Variants in RFC4 observed in about 807,000 individuals in gnomAD.
The protein encoded by RFC4 is replication factor C subunit 4.
RFC4 carries 38 observed loss-of-function variants against 47.6 expected under a neutral mutation model. The ratio of observed to expected loss-of-function variants is 0.80; its 90% CI spans 0.62 to 1.05. The LOEUF is 1.05. Ranked by LOEUF, RFC4 falls within the 50% of genes least tolerant of loss-of-function variation. The pLI is 0.00. For synonymous variants in RFC4, 164 were observed against 150.0 expected (o/e 1.09, Z -0.68); for missense variants, 489 against 434.0 (o/e 1.13, Z -1.13).
rs1339841992 is a variant in RFC4 at position 186,793,172 on chromosome 3, C to T, written c.411-225G>A. Among the ~76,000 whole-genome samples, 2 of 152,176 alleles carry T rather than the reference C, an allele frequency of 1.3e-5. No homozygotes were observed. The highest frequency in any genetic ancestry group is 4.8e-5 in the African/African-American group (2 of 41,436). ...CCTATTAGGAGTCACTCTTCTTCCC[C>T]CAGTCATTCCCAGCTCTAGGCAATC... On this transcript the variant is annotated intron_variant, in intron 5 of 10. Transcript: ENST00000296273. The surrounding 1 kb of genome is among the most constrained non-coding windows in gnomAD (Gnocchi z 4.2).
At position 186,796,916 on chromosome 3, in the gene RFC4, C is replaced by T. The variant is rs1722254470; in HGVS notation, c.290+619G>A. On this transcript the variant is annotated intron_variant, in intron 4 of 10. Coordinates refer to ENST00000296273, the MANE Select transcript of RFC4 (RefSeq NM_002916.5). This position sits in a 1 kb window ranked among gnomAD's most constrained non-coding sequence, Gnocchi z 4.2. ...ACCCAGCCCACTACACATCTTTTAA[C>T]TCTAGGTAAAGGGCTCCTCTAGAAT... is the stretch of plus-strand genomic sequence containing the variant. Among the ~76,000 whole-genome samples the T allele has an allele frequency of 6.6e-6, 1 of 152,222 alleles. No individual in the cohort carries two copies. The highest frequency in any genetic ancestry group is 1.5e-5 in the Non-Finnish European group (1 of 68,026).
chr3:186,794,890 A>T, intron 4 of RFC4, 113 bp from the exon 5 acceptor site: 1 of 1,161,580 alleles, frequency 8.6e-7, no homozygotes, highest in Non-Finnish European at 1.2e-6. Flanking sequence ...CAACATGGAT[A>T]GAAGGCACAC....
rs1722283091 is a variant in RFC4, at chr3:186,798,303, A to G, written c.211-689T>C. ...CTAGCTAGTTTGGCTCCTATCAAGC[A>G]GTCGACTGATCCGTGGTGAAAATTA... On this transcript the variant is annotated intron_variant, in intron 3 of 10. Transcript: ENST00000296273. Among the ~76,000 whole-genome samples, 3 of 152,310 alleles carry G rather than the reference A, an allele frequency of 2.0e-5. No individual in the cohort carries two copies. The South Asian group carries it at 6.2e-4, about 32-fold the overall frequency.
rs544478889 is a variant in RFC4, at chr3:186,799,684, G to A, written c.210+1433C>T. ...GCTGGTATCACGCCACTGCACTCCA[G>A]CCTGCGTGACAGAGCAAGACTCTGT... On this transcript the variant is annotated intron_variant, in intron 3 of 10. Transcript: ENST00000296273. Among the ~76,000 whole-genome samples the A allele has an allele frequency of 3.9e-5, 6 of 152,144 alleles. No individual in the cohort carries two copies. The South Asian group carries it at 1.2e-3, about 32-fold the overall frequency.
chr3:186,799,399 AAC>A (rs1722306169), intron 3 of RFC4, among the ~76,000 whole-genome samples: 2 of 152,344 alleles, frequency 1.3e-5, no homozygotes, highest in East Asian at 3.9e-4. Context: ...CAAAATATTA[AAC>A]TGAAGTTCTT....
At position 186,802,544 on chromosome 3, in the gene RFC4, AAAC is replaced by A. The variant is rs201217003; in HGVS notation, c.132-1352_132-1350del. ...TATTCAATTCATTGAGGGCTAACAA[AAAC>A]AACAAGCTGAACCAATATGAAGTAT... On this transcript the variant is annotated intron_variant, in intron 2 of 10. Transcript: ENST00000296273. Among the ~76,000 whole-genome samples the A allele has an allele frequency of 7.3e-3, 1,107 of 152,282 alleles. 14 individuals carry two copies. Among genetic ancestry groups the A allele is most frequent in the African/African-American group, 0.025 (1,050 of 41,550 alleles).
At position 186,791,759 on chromosome 3, in the gene RFC4, TC is replaced by T. The variant is rs1560090507; in HGVS notation, c.766del (p.Glu256ArgfsTer6). 12 of 1,612,116 alleles carry T rather than the reference TC, an allele frequency of 7.4e-6. No individual in the cohort carries two copies. Among genetic ancestry groups the T allele is most frequent in the Non-Finnish European group, 1.0e-5 (12 of 1,178,148 alleles). On this transcript the variant is annotated frameshift_variant, in exon 8 of 11. Coordinates refer to ENST00000296273, the MANE Select transcript of RFC4 (RefSeq NM_002916.5). LOFTEE classifies it high-confidence loss of function. ...GTCTGTAATCACTTTCTCTGTGATC[TC>T]CTTTCCACCTGTTAATCGAGTAGCG... ...QSATRLTGGKEITEKVITDIA... is the reference protein window; with the variant it reads ...QSATRLTGGKXITEKVITDIA...
chr3:186,791,719 T>C lies in RFC4; in HGVS notation c.801+6A>G. 1.2e-6 allele frequency: 2 copies of C among 1,612,722 alleles called. No homozygotes were observed. Among genetic ancestry groups the C allele is most frequent in the South Asian group, 1.1e-5 (1 of 91,070 alleles). ...AAAAGAAATTCAGAATATCCAGTAC[T>C]CTTACCCCGGCAATGTCTGTAATCA... On this transcript the variant is annotated splice_donor_region_variant and intron_variant, in intron 8 of 10. Coordinates refer to ENST00000296273, the MANE Select transcript of RFC4 (RefSeq NM_002916.5).
In RFC4 at chr3:186,792,617, A is replaced by G. The variant is rs1420775749; in HGVS notation, c.555-7T>C. 6.2e-7 allele frequency: 1 copy of G among 1,605,982 alleles called. No homozygotes were observed. The highest frequency in any genetic ancestry group is 2.2e-5 in the East Asian group (1 of 44,748). On this transcript the variant is annotated splice_polypyrimidine_tract_variant and splice_region_variant and intron_variant, in intron 6 of 10. Coordinates refer to ENST00000296273, the MANE Select transcript of RFC4 (RefSeq NM_002916.5). ...GGTCAGGGGTTCAATTATTCTGTGGAAGATGAGAAAAACCAAGTTGGTGTC... is the reference window on the plus strand; with the variant it reads ...GGTCAGGGGTTCAATTATTCTGTGGGAGATGAGAAAAACCAAGTTGGTGTC...
At position 186,790,253 on chromosome 3, in the gene RFC4, A is replaced by G. The variant is rs1803025; in HGVS notation, c.885T>C (p.Asp295=). 7 of 1,612,632 alleles carry G rather than the reference A, an allele frequency of 4.3e-6. No individual in the cohort carries two copies. Among genetic ancestry groups the G allele is most frequent in the Admixed American group, 1.7e-5 (1 of 59,934 alleles). The part of the protein sequence containing the change: ...SFDKLEAVVK[D]LIDEGHAATQ... ...TTGCTGCATGACCCTCATCTATTAA[A>G]TCCTATAATAAAAAAAACTTTTGGT... Residue 295 remains aspartate, a splice_region_variant and synonymous_variant, in exon 10 of 11, where the codon GAT becomes GAC. Transcript: ENST00000296273.
intron 2 of RFC4, 64 bp downstream of exon 2, chr3:186,804,519 G>T: frequency 1.5e-6 from 2 of 1,334,424 alleles, no homozygotes. Flanking sequence ...AAAAAAAAAA[G>T]TGATCAGTAC....
At chr3:186,791,448 C>T (rs575601397) in intron 8 of RFC4, 39 of 371,034 alleles carry the variant, frequency 1.1e-4, no homozygotes, top group African/African-American at 6.3e-4. Flanking sequence ...CCAGCCTGGG[C>T]GACACAGCAA....
intron 2 of RFC4, among the ~76,000 whole-genome samples, chr3:186,803,369 GCAAAAAACAAAAACA>G (rs1722401585): frequency 6.6e-6 from 1 of 151,704 alleles, no homozygotes; most frequent in South Asian, 2.1e-4. Flanking sequence ...AAAAAGGCAA[GCAAAAAACAAAAACA>G]CAAAAAACAT....
Position 186,793,467 on chromosome 3 carries a change from A to G in RFC4, c.411-520T>C, listed in dbSNP as rs1372671860. On this transcript the variant is annotated intron_variant, in intron 5 of 10. Transcript: ENST00000296273. The surrounding 1 kb of genome is among the most constrained non-coding windows in gnomAD (Gnocchi z 4.2). The stretch of plus-strand genomic sequence containing the variant: ...ATAATGCTGCTGTGAACATTTGTGT[A>G]CATGTTTTTGAGCAGACATGTCTTC... Among the ~76,000 whole-genome samples, 1 of 152,202 alleles carries G rather than the reference A, an allele frequency of 6.6e-6. No individual in the cohort carries two copies. The highest frequency in any genetic ancestry group is 1.5e-5 in the Non-Finnish European group (1 of 68,038).
chr3:186,802,863 G>C lies in RFC4; in HGVS notation c.132-1668C>G, dbSNP rs3917104. Among the ~76,000 whole-genome samples the C allele has an allele frequency of 9.8e-3, 1,495 of 152,168 alleles. 22 individuals carry two copies. Among genetic ancestry groups the C allele is most frequent in the East Asian group, 0.072 (374 of 5,176 alleles). On this transcript the variant is annotated intron_variant, in intron 2 of 10. Coordinates refer to ENST00000296273, the MANE Select transcript of RFC4 (RefSeq NM_002916.5). ...AGAGTGTGATGCAAGATATAGTAGG[G>C]ACCATGGCAAATTGAGGAACACACG... is the stretch of plus-strand genomic sequence containing the variant.
At chr3:186,795,645 T>C (rs1044561805) in intron 4 of RFC4, among the ~76,000 whole-genome samples, 5 of 151,994 alleles carry the variant, frequency 3.3e-5, no homozygotes, top group Non-Finnish European at 7.4e-5. Flanking sequence ...ATACAAAAAT[T>C]AGCTGGGCGT....
intron 2 of RFC4, chr3:186,801,477 A>C (rs1722350155): frequency 8.7e-6 from 3 of 342,896 alleles, no homozygotes; most frequent in African/African-American, 4.3e-5. Context: ...TATATGCTAC[A>C]AACACTAATT....
intron 7 of RFC4, among the ~76,000 whole-genome samples, chr3:186,792,097 TCACGTAAAG>T (rs1049157711): frequency 2.6e-5 from 4 of 152,214 alleles, no homozygotes; most frequent in Non-Finnish European, 2.9e-5. Flanking sequence ...ATTTTCTTGC[TCACGTAAAG>T]CAAATTCAAA....
chr3:186,795,516 C>T (rs934689380), intron 4 of RFC4, among the ~76,000 whole-genome samples: 7 of 151,292 alleles, frequency 4.6e-5, no homozygotes, highest in African/African-American at 1.7e-4. Context: ...TATTTCCGGC[C>T]GGATGTGGTG....
Sources: allele counts gnomAD v4.1 joint callset (sites outside exome capture counted in the v4.1 genomes callset), GRCh38; gene constraint gnomAD v4.1.1; non-coding constraint Gnocchi (gnomAD v3.1); transcripts MANE v1.5; gene names NCBI Gene and HGNC (gene_info 2026-07-23, HGNC 2026-07-21).